The following SYT1 variants were observed in gnomAD, a reference collection of about 807,000 sequenced individuals.
SYT1 encodes synaptotagmin 1.
A neutral mutation model predicts 44.8 loss-of-function variants in SYT1; 8 were observed. That is an observed-to-expected ratio of 0.18 (90% CI 0.10 to 0.32). The LOEUF (loss-of-function observed/expected upper bound fraction) is 0.32, where lower values mean the gene tolerates loss of function less well. SYT1 is among the 10% of genes least tolerant of loss of function. The probability of loss-of-function intolerance (pLI) is 1.00; values close to 1 mark genes in which losing one functional copy is unlikely to be tolerated. For missense variants in SYT1, 286 were observed against 509.3 expected (o/e 0.56, Z 4.22); for synonymous variants, 154 against 188.8 (o/e 0.82, Z 1.51).
intron 3 of SYT1, among the ~76,000 whole-genome samples, chr12:79,196,690 T>C (rs1430687070): frequency 6.6e-6 from 1 of 152,184 alleles, no homozygotes; most frequent in African/African-American, 2.4e-5. Flanking sequence ...TGTTCTGTGA[T>C]TGATTGATAG....
chr12:79,307,620 G>C (rs1592949578), intron 8 of SYT1, among the ~76,000 whole-genome samples: 1 of 150,918 alleles, frequency 6.6e-6, no homozygotes, highest in South Asian at 2.1e-4. Flanking sequence ...AGGGCTGGGG[G>C]TGGGGGTGGG....
At chr12:79,373,517 T>C (rs1883875571) in intron 9 of SYT1, among the ~76,000 whole-genome samples, 1 of 152,272 alleles carries the variant, frequency 6.6e-6, no homozygotes, top group East Asian at 1.9e-4. Flanking sequence ...CTTTAAGATA[T>C]CTGTTTAACT....
At chr12:79,097,857 G>A (rs147309534) in intron 3 of SYT1, among the ~76,000 whole-genome samples, 2 of 152,060 alleles carry the variant, frequency 1.3e-5, no homozygotes, top group East Asian at 3.9e-4. Context: ...TCCTAACTAG[G>A]GAAAAGCTTA....
intron 8 of SYT1, among the ~76,000 whole-genome samples, chr12:79,352,902 G>A (rs958576640): frequency 2.6e-5 from 4 of 152,104 alleles, no homozygotes; most frequent in African/African-American, 9.7e-5. Flanking sequence ...TTAGAATTAG[G>A]AATAAAAGTT....
At chr12:79,364,831 A>C (rs527793815) in intron 9 of SYT1, among the ~76,000 whole-genome samples, 3 of 152,310 alleles carry the variant, frequency 2.0e-5, no homozygotes, top group African/African-American at 7.2e-5. Flanking sequence ...GAATTACTAC[A>C]TATACTACAT....
intron 3 of SYT1, among the ~76,000 whole-genome samples, chr12:79,106,979 C>A (rs1878752649): frequency 6.6e-6 from 1 of 151,704 alleles, no homozygotes; most frequent in African/African-American, 2.4e-5. Flanking sequence ...ATTGTGTAGA[C>A]CAGAATTCGG....
chr12:78,871,699 A>G (rs932040802), intron 1 of SYT1, among the ~76,000 whole-genome samples: 3 of 152,078 alleles, frequency 2.0e-5, no homozygotes, highest in African/African-American at 7.2e-5. Context: ...GTTTCTCAGG[A>G]AAAAGACAAG....
At position 79,444,342 on chromosome 12, in the gene SYT1, G is replaced by C. The variant is rs528433792; in HGVS notation, c.1062+136G>C. On this transcript the variant is annotated intron_variant, in intron 10 of 10. Transcript: ENST00000261205. ...CCATTCTTTCTCCCCATGCACATTT[G>C]ATGCTTGAGCTACATCAGGAAGGAT... 3.6e-6 allele frequency: 4 copies of C among 1,112,798 alleles called. No individual in the cohort carries two copies. In the African/African-American group the frequency reaches 6.3e-5, roughly 17 times the overall value. The allele number at this position is 1,112,798 out of a possible 1,614,324, so 68.9% of individuals were successfully genotyped here. A position where few individuals can be genotyped will look rare whatever the true frequency, so the allele number is the denominator to read the frequency against.
At chr12:78,886,711 A>C (rs545702617) in intron 1 of SYT1, among the ~76,000 whole-genome samples, 2 of 152,108 alleles carry the variant, frequency 1.3e-5, no homozygotes, top group Non-Finnish European at 2.9e-5. Context: ...GGTTGTTTTC[A>C]GGGAGAATAT....
At chr12:79,448,011 G>T (rs1321360720) in intron 10 of SYT1, among the ~76,000 whole-genome samples, 1 of 152,110 alleles carries the variant, frequency 6.6e-6, no homozygotes, top group Admixed American at 6.5e-5. Context: ...ACACTCAGCT[G>T]CTAGATTGAA....
intron 4 of SYT1, among the ~76,000 whole-genome samples, chr12:79,258,388 A>G (rs1329114990): frequency 6.4e-5 from 1 of 15,600 alleles, no homozygotes; most frequent in Non-Finnish European, 1.5e-4. Flanking sequence ...TCACTTTTGT[A>G]AACTGAGAGT....
intron 3 of SYT1, among the ~76,000 whole-genome samples, chr12:79,097,472 A>G (rs1388947142): frequency 2.0e-5 from 3 of 151,990 alleles, no homozygotes; most frequent in African/African-American, 7.2e-5. Context: ...TATCCACAAG[A>G]GATTAAACCT....
intron 9 of SYT1, among the ~76,000 whole-genome samples, chr12:79,442,306 G>T (rs1319838507): frequency 1.3e-5 from 2 of 152,120 alleles, no homozygotes; most frequent in African/African-American, 2.4e-5. Flanking sequence ...ATCAACATTG[G>T]CTGTGAACAG....
In SYT1 at chr12:79,385,009, G is replaced by A. The variant is rs1242411953; in HGVS notation, c.928+31390G>A. 1.4e-4 allele frequency among the ~76,000 whole-genome samples: 12 copies of A among 83,266 alleles called. No homozygotes were observed. In the East Asian group the frequency reaches 4.4e-3, roughly 31 times the overall value. The allele number at this position is 83,266 out of a possible 152,430, so 54.6% of individuals were successfully genotyped here. A position where few individuals can be genotyped will look rare whatever the true frequency, so the allele number is the denominator to read the frequency against. On this transcript the variant is annotated intron_variant, in intron 9 of 10. Transcript: ENST00000261205. ...TGGATTTTTTTTTTTTTTTTTTTGAGACAGTCTCACTCTGTCACCCAGGCT... is the reference window on the plus strand; with the variant it reads ...TGGATTTTTTTTTTTTTTTTTTTGAAACAGTCTCACTCTGTCACCCAGGCT...
At chr12:79,149,525 T>C (rs1342117424) in intron 3 of SYT1, among the ~76,000 whole-genome samples, 1 of 152,200 alleles carries the variant, frequency 6.6e-6, no homozygotes, top group Non-Finnish European at 1.5e-5. Flanking sequence ...AATAGTTTCC[T>C]AAATAGCCTT....
intron 9 of SYT1, among the ~76,000 whole-genome samples, chr12:79,379,308 G>A (rs984540551): frequency 3.9e-5 from 6 of 152,056 alleles, no homozygotes; most frequent in African/African-American, 9.7e-5. Flanking sequence ...AAACCCTGTC[G>A]TTTTTTAAAA....
intron 1 of SYT1, among the ~76,000 whole-genome samples, chr12:78,870,677 A>G (rs1365064123): frequency 6.6e-6 from 1 of 151,954 alleles, no homozygotes; most frequent in East Asian, 1.9e-4. Flanking sequence ...CAGACAAACC[A>G]CCTGAAAACT....
At chr12:78,865,541 TC>T in intron 1 of SYT1, among the ~76,000 whole-genome samples, 1 of 138,514 alleles carries the variant, frequency 7.2e-6, no homozygotes, top group African/African-American at 2.8e-5. Context: ...GAGAAAGATT[TC>T]TTTCTGTTGG....
chr12:79,358,348 A>C (rs2136018107), intron 9 of SYT1, among the ~76,000 whole-genome samples: 1 of 152,284 alleles, frequency 6.6e-6, no homozygotes, highest in African/African-American at 2.4e-5. Context: ...TCTGAGAATT[A>C]TTTTTAACTG....
Sources: allele counts gnomAD v4.1 joint callset (sites outside exome capture counted in the v4.1 genomes callset), GRCh38; gene constraint gnomAD v4.1.1; transcripts MANE v1.5; gene names NCBI Gene and HGNC (gene_info 2026-07-23, HGNC 2026-07-21).